CHLSN: variants seen among roughly 807,000 people sequenced by gnomAD.
CHLSN encodes the protein cholesin.
chr7:987,935 G>A, the CHLSN span, among the ~76,000 whole-genome samples: 5 of 139,120 alleles, frequency 3.6e-5, no homozygotes, highest in Non-Finnish European at 7.7e-5. Flanking sequence ...GTGTGTCCTG[G>A]GGGGGTCCCC....
chr7:1,008,618 G>T, the CHLSN span, among the ~76,000 whole-genome samples: 2 of 152,168 alleles, frequency 1.3e-5, no homozygotes, highest in Admixed American at 1.3e-4. Flanking sequence ...TCAGCTCCGA[G>T]AAACAGGAGG....
At chr7:984,892 C>G in the CHLSN span, 1 of 1,527,836 alleles carries the variant, frequency 6.5e-7, no homozygotes, top group Non-Finnish European at 8.7e-7. Context: ...GCCCACTTGC[C>G]TGGCGGGGCT....
chr7:1,096,272 CTT>C, the CHLSN span, among the ~76,000 whole-genome samples: 3 of 152,278 alleles, frequency 2.0e-5, no homozygotes, highest in East Asian at 5.8e-4. The surrounding 1 kb of genome is among the most constrained non-coding windows in gnomAD (Gnocchi z 4.6). Context: ...GAAGCAGACT[CTT>C]GACCTGTGAA....
the CHLSN span, chr7:1,010,096 G>A: frequency 1.2e-6 from 2 of 1,612,854 alleles, no homozygotes; most frequent in Non-Finnish European, 1.7e-6. Flanking sequence ...GCTCCTCTGG[G>A]GACAGCTCTG....
the CHLSN span, chr7:1,027,017 C>G: frequency 1.3e-5 from 2 of 152,188 alleles, no homozygotes; most frequent in Non-Finnish European, 2.9e-5. Context: ...CAGCACCCGC[C>G]GTGCAGGAGC....
At chr7:1,127,493 AG>A in the CHLSN span, 2 of 1,062,002 alleles carry the variant, frequency 1.9e-6, no homozygotes, top group Non-Finnish European at 2.6e-6. Flanking sequence ...AAAAAAAAAA[AG>A]AGTATTATGG....
chr7:993,738 C>A, the CHLSN span, among the ~76,000 whole-genome samples: 1 of 152,162 alleles, frequency 6.6e-6, no homozygotes, highest in African/African-American at 2.4e-5. Context: ...GCTCATGCCA[C>A]CGCACTCCAG....
the CHLSN span, chr7:984,922 G>A: frequency 6.4e-7 from 1 of 1,558,820 alleles, no homozygotes; most frequent in African/African-American, 1.4e-5. Context: ...GGGAACCTGG[G>A]CTCACCACGC....
At chr7:1,075,201 G>A in the CHLSN span, among the ~76,000 whole-genome samples, 1 of 152,146 alleles carries the variant, frequency 6.6e-6, no homozygotes, top group Admixed American at 6.5e-5. Context: ...GCAATGACAA[G>A]CTAGACGGGT....
the CHLSN span, among the ~76,000 whole-genome samples, chr7:1,080,277 G>A: frequency 3.9e-5 from 6 of 152,234 alleles, no homozygotes; most frequent in African/African-American, 7.2e-5. Flanking sequence ...CTTTATAATA[G>A]ACACAATCTG....
the CHLSN span, among the ~76,000 whole-genome samples, chr7:1,109,969 G>A: frequency 6.6e-6 from 1 of 152,326 alleles, no homozygotes; most frequent in African/African-American, 2.4e-5. Flanking sequence ...CGGGCCGTGG[G>A]CTGCGTCCAG....
chr7:1,129,415 C>G, the CHLSN span, among the ~76,000 whole-genome samples: 198 of 40,610 alleles, frequency 4.9e-3, 7 homozygotes, highest in South Asian at 0.011. Flanking sequence ...GCAGTGGCGC[C>G]ATCTCGGCTC....
chr7:1,007,697 C>T, the CHLSN span, among the ~76,000 whole-genome samples: 7 of 152,260 alleles, frequency 4.6e-5, no homozygotes, highest in East Asian at 1.2e-3. Flanking sequence ...AAGTAAGAGT[C>T]CCCCCTCCTC....
the CHLSN span, among the ~76,000 whole-genome samples, chr7:987,918 A>ATCCCCTGTGTGTCCTGGGGGGGG: frequency 9.8e-6 from 1 of 101,948 alleles, no homozygotes; most frequent in African/African-American, 4.8e-5. Flanking sequence ...TGTCCTGGGG[A>ATCCCCTGTGTGTCCTGGGGGGGG]TCCCCTGTGT....
At chr7:1,031,831 G>T in the CHLSN span, among the ~76,000 whole-genome samples, 1 of 145,144 alleles carries the variant, frequency 6.9e-6, no homozygotes, top group Admixed American at 6.8e-5. Flanking sequence ...AGGGCAGAGT[G>T]GTCCGGGGCG....
chr7:1,070,018 A>G, the CHLSN span, among the ~76,000 whole-genome samples: 1 of 110,566 alleles, frequency 9.0e-6, no homozygotes, highest in African/African-American at 3.8e-5. Flanking sequence ...CTGGGATGTG[A>G]GGAGCGCCTC....
the CHLSN span, chr7:988,896 A>G: frequency 1.2e-6 from 1 of 819,660 alleles, no homozygotes; most frequent in South Asian, 1.7e-5. Context: ...CTCTCCTCCC[A>G]CCCCACAGCT....
At chr7:1,135,110 C>G in the CHLSN span, among the ~76,000 whole-genome samples, 2,519 of 152,252 alleles carry the variant, frequency 0.017, 55 homozygotes, top group African/African-American at 0.057. Context: ...CCAGCACAGA[C>G]AGCAGAACTT....
the CHLSN span, chr7:1,028,540 G>A: frequency 1.0e-6 from 1 of 985,052 alleles, no homozygotes; most frequent in South Asian, 4.7e-5. Context: ...CTCCTCCGAC[G>A]AGGCTCTCTG....
Sources: allele counts gnomAD v4.1 joint callset (sites outside exome capture counted in the v4.1 genomes callset), GRCh38; gene constraint gnomAD v4.1.1; non-coding constraint Gnocchi (gnomAD v3.1); transcripts MANE v1.5; gene names NCBI Gene and HGNC (gene_info 2026-07-23, HGNC 2026-07-21).